The following TASP1 variants were observed in gnomAD, a reference collection of about 807,000 sequenced individuals.
The protein encoded by TASP1 is threonine aspartase 1.
A neutral mutation model predicts 56.6 loss-of-function variants in TASP1; 16 were observed. The ratio of observed to expected loss-of-function variants is 0.28; its 90% confidence interval spans 0.19 to 0.43. The LOEUF is 0.43. Ranked by LOEUF, TASP1 falls within the 20% of genes least tolerant of loss-of-function variation. The probability of loss-of-function intolerance (pLI) is 1.00; values close to 1 mark genes in which losing one functional copy is unlikely to be tolerated. For missense variants in TASP1, 393 were observed against 511.6 expected (o/e 0.77, Z 2.24); for synonymous variants, 179 against 184.2 (o/e 0.97, Z 0.23).
the TASP1 span, among the ~76,000 whole-genome samples, chr20:13,209,198 C>G: frequency 6.6e-6 from 1 of 152,140 alleles, no homozygotes; most frequent in East Asian, 1.9e-4. Context: ...CATCCTAGAC[C>G]ACCCAAGATC....
chr20:13,160,065 C>A, the TASP1 span: 1 of 1,613,812 alleles, frequency 6.2e-7, no homozygotes, highest in Non-Finnish European at 8.5e-7. Context: ...TTTCCAGCCA[C>A]TCCCCTCGCA....
At chr20:13,249,036 C>T in the TASP1 span, among the ~76,000 whole-genome samples, 177 of 152,284 alleles carry the variant, frequency 1.2e-3, no homozygotes, top group African/African-American at 4.0e-3. Flanking sequence ...TCAGGCCCCA[C>T]GTACATGTGG....
intron 10 of TASP1, among the ~76,000 whole-genome samples, chr20:13,527,771 T>C (rs530036978): frequency 1.1e-4 from 17 of 149,040 alleles, no homozygotes; most frequent in Middle Eastern, 3.5e-3. Flanking sequence ...GTAAGTTTTA[T>C]GTCAACATTT....
chr20:13,233,243 G>A, the TASP1 span, among the ~76,000 whole-genome samples: 39 of 152,218 alleles, frequency 2.6e-4, 1 homozygote, highest in South Asian at 1.2e-3. Flanking sequence ...ACATGAATTG[G>A]AAGCCAAGTT....
the TASP1 span, among the ~76,000 whole-genome samples, chr20:13,172,338 C>T: frequency 6.6e-6 from 1 of 152,006 alleles, no homozygotes; most frequent in Non-Finnish European, 1.5e-5. Flanking sequence ...ATTGCTTTTA[C>T]TACTGAATAT....
chr20:13,605,686 A>G (rs2048123245), intron 4 of TASP1, among the ~76,000 whole-genome samples: 1 of 152,000 alleles, frequency 6.6e-6, no homozygotes, highest in South Asian at 2.1e-4. Flanking sequence ...TCTAAAAAAA[A>G]ATAATAATAA....
At chr20:13,251,820 A>G in the TASP1 span, among the ~76,000 whole-genome samples, 1 of 152,068 alleles carries the variant, frequency 6.6e-6, no homozygotes, top group Non-Finnish European at 1.5e-5. Flanking sequence ...GCCACTGGGG[A>G]GGGTGAGCAC....
At chr20:13,318,346 A>T in the TASP1 span, among the ~76,000 whole-genome samples, 1 of 152,180 alleles carries the variant, frequency 6.6e-6, no homozygotes, top group East Asian at 1.9e-4. Flanking sequence ...AAGGATGTGG[A>T]GCAACAGGAA....
chr20:13,415,216 A>C (rs562623070), intron 13 of TASP1, among the ~76,000 whole-genome samples: 1 of 152,282 alleles, frequency 6.6e-6, no homozygotes, highest in Non-Finnish European at 1.5e-5. Flanking sequence ...TAGTTCAACT[A>C]TTCTTTTATA....
At chr20:13,279,730 C>T in the TASP1 span, 12 of 1,613,904 alleles carry the variant, frequency 7.4e-6, no homozygotes, top group South Asian at 3.3e-5. Context: ...CCCCGACTGG[C>T]GGGCCTGGTG....
chr20:13,463,499 T>A (rs999701103), intron 11 of TASP1, among the ~76,000 whole-genome samples: 5 of 151,614 alleles, frequency 3.3e-5, no homozygotes, highest in Admixed American at 1.3e-4. Flanking sequence ...AGGCAACAAA[T>A]AAAAAAACAG....
At chr20:13,526,875 G>A (rs551643837) in intron 10 of TASP1, among the ~76,000 whole-genome samples, 1 of 152,214 alleles carries the variant, frequency 6.6e-6, no homozygotes, top group African/African-American at 2.4e-5. Context: ...GACACAGGGT[G>A]GGGATGAAGA....
At chr20:13,312,181 A>AG in the TASP1 span, among the ~76,000 whole-genome samples, 1 of 152,198 alleles carries the variant, frequency 6.6e-6, no homozygotes, top group African/African-American at 2.4e-5. Flanking sequence ...TATATTTTAA[A>AG]CCAAGTACCA....
At chr20:13,502,005 C>T (rs1330179707) in intron 10 of TASP1, among the ~76,000 whole-genome samples, 1 of 151,752 alleles carries the variant, frequency 6.6e-6, no homozygotes, top group Non-Finnish European at 1.5e-5. Context: ...AATGTGTGTA[C>T]ACTTAGTAAC....
At chr20:13,598,504 C>T (rs1353048347) in intron 4 of TASP1, among the ~76,000 whole-genome samples, 4 of 152,140 alleles carry the variant, frequency 2.6e-5, no homozygotes, top group African/African-American at 7.2e-5. Flanking sequence ...AACTGGATCC[C>T]TTCCTTACAC....
At chr20:13,273,047 G>A in the TASP1 span, among the ~76,000 whole-genome samples, 1 of 152,158 alleles carries the variant, frequency 6.6e-6, no homozygotes, top group African/African-American at 2.4e-5. Flanking sequence ...ATGCCTGGAT[G>A]CGGGAGAACG....
chr20:13,426,912 C>T (rs1048646704), intron 12 of TASP1, among the ~76,000 whole-genome samples: 1 of 152,174 alleles, frequency 6.6e-6, no homozygotes, highest in East Asian at 1.9e-4. Flanking sequence ...TGGACTGTCA[C>T]GTAGAACAAA....
chr20:13,565,122 G>T (rs891703429), intron 7 of TASP1, among the ~76,000 whole-genome samples: 4 of 152,088 alleles, frequency 2.6e-5, no homozygotes, highest in East Asian at 1.9e-4. Flanking sequence ...TTTGACGAGG[G>T]TACTAGCACC....
At chr20:13,259,294 C>G in the TASP1 span, among the ~76,000 whole-genome samples, 1 of 143,570 alleles carries the variant, frequency 7.0e-6, no homozygotes, top group Non-Finnish European at 1.5e-5. Context: ...AAAAAAAAAA[C>G]AAAAACAAAA....
Sources: gnomAD v4.1 joint callset for allele counts (sites outside exome capture counted in the v4.1 genomes callset) on GRCh38, gnomAD v4.1.1 for gene constraint, MANE v1.5 for transcripts, NCBI Gene and HGNC (gene_info 2026-07-23, HGNC 2026-07-21) for gene names.